TRPM3: variants seen among roughly 807,000 people sequenced by gnomAD.
The protein encoded by TRPM3 is transient receptor potential cation channel subfamily M member 3, also known as long transient receptor potential channel 3.
TRPM3 carries 77 observed loss-of-function variants against 181.2 expected under a neutral mutation model. The ratio of observed to expected loss-of-function variants is 0.42; its 90% CI spans 0.35 to 0.51. The LOEUF (loss-of-function observed/expected upper bound fraction) is 0.51. Among genes scored for constraint, TRPM3 ranks in the 20% least tolerant of loss-of-function variants. TRPM3 has a pLI of 0.01. For synonymous variants in TRPM3, 745 were observed against 796.4 expected (o/e 0.94, Z 1.09); for missense variants, 1,759 against 2,196.7 (o/e 0.80, Z 3.98).
At chr9:70,884,012 C>T (rs142290444) in intron 1 of TRPM3, among the ~76,000 whole-genome samples, 37 of 151,728 alleles carry the variant, frequency 2.4e-4, no homozygotes, top group Middle Eastern at 3.4e-3. Context: ...GTTTTAGCTC[C>T]GACATGTGTG....
rs1232767746 is a variant in TRPM3 at position 70,618,956 on chromosome 9, G to C, written c.2269C>G (p.Arg757Gly). 6.2e-7 allele frequency: 1 copy of C among 1,614,002 alleles called. No individual in the cohort carries two copies. Among genetic ancestry groups the C allele is most frequent in the African/African-American group, 1.3e-5 (1 of 75,072 alleles). Residue 757 changes from arginine to glycine, a missense_variant, in exon 17 of 26, where the codon CGC (arginine) becomes GGC (glycine). Around this residue, in one of 8 missense-constraint regions of TRPM3, gnomAD observed 737 missense variants for 957.4 expected, o/e 0.77. Coordinates refer to ENST00000677713, the MANE Select transcript of TRPM3 (RefSeq NM_001366145.2). ...CLQLAVAAKHRDFIAHTCSQM... is the reference protein window; with the variant it reads ...CLQLAVAAKHGDFIAHTCSQM... ...CTGCACGTGTGCGCGATGAAGTCGC[G>C]GTGTTTGGCAGCCACGGCAAGCTGC...
At chr9:71,222,375 GT>G (rs1356393235) in intron 1 of TRPM3, among the ~76,000 whole-genome samples, 1 of 152,110 alleles carries the variant, frequency 6.6e-6, no homozygotes. Context: ...TTGGTAGTTT[GT>G]TTTTTGGGAA....
intron 3 of TRPM3, among the ~76,000 whole-genome samples, chr9:70,852,531 T>C (rs2095268816): frequency 6.6e-6 from 1 of 152,174 alleles, no homozygotes; most frequent in Non-Finnish European, 1.5e-5. Context: ...ACCAGTTCCT[T>C]TTCTCTATTT....
intron 1 of TRPM3, among the ~76,000 whole-genome samples, chr9:71,056,962 T>C (rs192198059): frequency 7.1e-4 from 108 of 152,080 alleles, no homozygotes; most frequent in African/African-American, 2.6e-3. Context: ...GACAAAACAA[T>C]GAGAGGAAAT....
intron 1 of TRPM3, among the ~76,000 whole-genome samples, chr9:71,165,486 A>T (rs1477803259): frequency 6.6e-6 from 1 of 152,148 alleles, no homozygotes; most frequent in Non-Finnish European, 1.5e-5. Context: ...CAGCATGTTG[A>T]GTGGGACCTT....
intron 1 of TRPM3, among the ~76,000 whole-genome samples, chr9:70,984,184 T>A (rs867821844): frequency 6.6e-6 from 1 of 152,212 alleles, no homozygotes; most frequent in African/African-American, 2.4e-5. Context: ...ACAATAAACA[T>A]GAGAGGAATG....
chr9:71,263,489 G>A (rs896627277), intron 1 of TRPM3, among the ~76,000 whole-genome samples: 1 of 152,172 alleles, frequency 6.6e-6, no homozygotes, highest in Non-Finnish European at 1.5e-5. Flanking sequence ...CTTTTGAGCA[G>A]TAGCTCTCAG....
intron 1 of TRPM3, among the ~76,000 whole-genome samples, chr9:71,207,915 G>A (rs2079224603): frequency 6.6e-6 from 1 of 152,154 alleles, no homozygotes; most frequent in Admixed American, 6.6e-5. Flanking sequence ...AAATTATGCT[G>A]AGCTATTCTT....
intron 1 of TRPM3, among the ~76,000 whole-genome samples, chr9:71,186,169 C>G (rs1340937300): frequency 6.6e-6 from 1 of 152,134 alleles, no homozygotes; most frequent in Admixed American, 6.6e-5. Context: ...TCAGATTAGA[C>G]TAGGAGCCCA....
At chr9:70,911,663 T>C (rs2096539393) in intron 1 of TRPM3, among the ~76,000 whole-genome samples, 1 of 152,190 alleles carries the variant, frequency 6.6e-6, no homozygotes, top group South Asian at 2.1e-4. Flanking sequence ...TGTATGTCAG[T>C]AGCCTCCCCT....
In TRPM3 at chr9:71,077,306, A is replaced by C. The variant is rs115292375; in HGVS notation, c.177+43872T>G. On this transcript the variant is annotated intron_variant, in intron 1 of 25. Coordinates refer to ENST00000677713, the MANE Select transcript of TRPM3 (RefSeq NM_001366145.2). ...TGGTTTAAAACACCAGACACTACCA[A>C]AGCCCATCCTCCCTCCAAAGATTAC... Among the ~76,000 whole-genome samples the C allele has an allele frequency of 8.4e-3, 1,285 of 152,236 alleles. 22 individuals are homozygous for C. Among genetic ancestry groups the C allele is most frequent in the African/African-American group, 0.028 (1,163 of 41,542 alleles).
intron 9 of TRPM3, among the ~76,000 whole-genome samples, chr9:70,670,460 T>C (rs1424723632): frequency 6.6e-6 from 1 of 152,250 alleles, no homozygotes. Context: ...GTTATTGGAC[T>C]GAGATCTGTT....
intron 1 of TRPM3, among the ~76,000 whole-genome samples, chr9:71,325,561 C>A (rs1485331117): frequency 6.6e-6 from 1 of 152,066 alleles, no homozygotes; most frequent in African/African-American, 2.4e-5. Flanking sequence ...AGAGAGGACA[C>A]AACATGGTTT....
intron 8 of TRPM3, among the ~76,000 whole-genome samples, chr9:70,687,829 G>C (rs2067375476): frequency 6.6e-6 from 1 of 152,168 alleles, no homozygotes; most frequent in South Asian, 2.1e-4. Context: ...ATTTGTTATT[G>C]GGCATATTAA....
chr9:71,023,195 A>C (rs2097860536), intron 1 of TRPM3, among the ~76,000 whole-genome samples: 1 of 152,228 alleles, frequency 6.6e-6, no homozygotes, highest in African/African-American at 2.4e-5. Context: ...CAGACATTTT[A>C]CTAAAGAAGA....
chr9:71,034,237 G>A (rs2057900474), intron 1 of TRPM3, among the ~76,000 whole-genome samples: 1 of 152,208 alleles, frequency 6.6e-6, no homozygotes, highest in African/African-American at 2.4e-5. Flanking sequence ...GATCCAGGCA[G>A]TACTGAACTT....
chr9:71,291,127 A>T (rs909712736), intron 1 of TRPM3, among the ~76,000 whole-genome samples: 6 of 152,206 alleles, frequency 3.9e-5, no homozygotes, highest in Admixed American at 3.9e-4. Flanking sequence ...GAGCTCCTGT[A>T]CCAGGCCTCA....
chr9:70,861,000 G>A (rs10511987), intron 3 of TRPM3, among the ~76,000 whole-genome samples: 39,657 of 151,944 alleles, frequency 0.26, 5,571 homozygotes, highest in Non-Finnish European at 0.3. Context: ...TTAAACTTGT[G>A]TTATCTAAAT....
chr9:70,778,472 T>G (rs2081874453), intron 7 of TRPM3, among the ~76,000 whole-genome samples: 3 of 152,156 alleles, frequency 2.0e-5, no homozygotes, highest in Non-Finnish European at 4.4e-5. Context: ...TGGAAAACAG[T>G]TTACAAAAAT....
Sources: allele counts gnomAD v4.1 joint callset (sites outside exome capture counted in the v4.1 genomes callset), GRCh38; gene constraint gnomAD v4.1.1; regional missense constraint gnomAD v4.1.1; transcripts MANE v1.5; gene names NCBI Gene and HGNC (gene_info 2026-07-23, HGNC 2026-07-21).